Variants in RASAL2 observed in about 807,000 individuals in gnomAD.
RASAL2 encodes the protein RAS protein activator like 2.
Under a neutral mutation model 128.9 loss-of-function variants are expected in RASAL2, and 58 were observed. The ratio of observed to expected loss-of-function variants is 0.45; its 90% CI spans 0.36 to 0.56. The LOEUF is 0.56. Ranked by LOEUF, RASAL2 falls within the 20% of genes least tolerant of loss-of-function variation. The probability of loss-of-function intolerance (pLI) is 0.00; values close to 1 mark genes in which losing one functional copy is unlikely to be tolerated. For missense variants in RASAL2, 1,360 were observed against 1,601.6 expected (o/e 0.85, Z 2.57); for synonymous variants, 561 against 580.8 (o/e 0.97, Z 0.49).
At chr1:178,241,438 A>G (rs188686598) in intron 1 of RASAL2, among the ~76,000 whole-genome samples, 1 of 152,142 alleles carries the variant, frequency 6.6e-6, no homozygotes, top group African/African-American at 2.4e-5. Context: ...GAGGAGAAAT[A>G]CTTTAGGGGT....
chr1:178,136,905 G>T (rs1571528793), intron 1 of RASAL2, among the ~76,000 whole-genome samples: 1 of 151,444 alleles, frequency 6.6e-6, no homozygotes, highest in Non-Finnish European at 1.5e-5. Flanking sequence ...AGCTTTAGAA[G>T]AAGAAAAGCT....
chr1:178,333,418 A>G (rs1669436858), intron 3 of RASAL2, among the ~76,000 whole-genome samples: 1 of 152,170 alleles, frequency 6.6e-6, no homozygotes, highest in Non-Finnish European at 1.5e-5. Flanking sequence ...GCTATTTTTC[A>G]CCTATTTTTG....
chr1:178,157,564 A>G (rs1189514907), intron 1 of RASAL2, among the ~76,000 whole-genome samples: 1 of 152,162 alleles, frequency 6.6e-6, no homozygotes, highest in Admixed American at 6.5e-5. Context: ...TATGAGGGTT[A>G]TCTGCTGCTC....
intron 1 of RASAL2, among the ~76,000 whole-genome samples, chr1:178,234,952 A>G (rs1339502641): frequency 6.6e-6 from 1 of 152,226 alleles, no homozygotes; most frequent in African/African-American, 2.4e-5. Flanking sequence ...AGTATTTTCT[A>G]TAAACCCTGT....
In RASAL2 at chr1:178,094,682, G is replaced by A. The variant is rs750926173; in HGVS notation, c.190G>A (p.Val64Ile). The part of the protein sequence containing the change: ...LESVCQQQSW[V>I]RVYDVKGPPT... ...GTCCGTGTGCCAGCAACAGAGCTGGGTCCGGGTGTACGGTAAGGACCACAG... is the reference window on the plus strand; with the variant it reads ...GTCCGTGTGCCAGCAACAGAGCTGGATCCGGGTGTACGGTAAGGACCACAG... Residue 64 changes from valine (V) to isoleucine (I), a missense_variant, in exon 1 of 18, where the codon GTC becomes ATC. Coordinates refer to ENST00000367649, the MANE Select transcript of RASAL2 (RefSeq NM_170692.4). 1.9e-6 allele frequency: 3 copies of A among 1,614,118 alleles called. No homozygotes were observed. In the Admixed American group the frequency reaches 5.0e-5, roughly 27 times the overall value.
chr1:178,335,046 T>C (rs1669520239), intron 3 of RASAL2, among the ~76,000 whole-genome samples: 2 of 152,170 alleles, frequency 1.3e-5, no homozygotes, highest in African/African-American at 2.4e-5. Context: ...GATTGTCCTT[T>C]TGGAGCCTGA....
rs191169373 is a variant in RASAL2, at chr1:178,205,630, G to A, written c.203-77934G>A. Among the ~76,000 whole-genome samples, 605 of 151,942 alleles carry A rather than the reference G, an allele frequency of 4.0e-3. 3 individuals carry two copies. Among genetic ancestry groups the A allele is most frequent in the African/African-American group, 0.013 (559 of 41,460 alleles). ...AAATTAGCCAGGTGTGGTGGCGGGC[G>A]CCTATACTCCCAGCTACTTGGGAGG... On this transcript the variant is annotated intron_variant, in intron 1 of 17. Transcript: ENST00000367649.
rs1205632604 is a variant in RASAL2, at chr1:178,477,088, C to T, written c.*3849C>T. 1 of 152,730 alleles carries T rather than the reference C, an allele frequency of 6.5e-6. No homozygotes were observed. The highest frequency in any genetic ancestry group is 1.5e-5 in the Non-Finnish European group (1 of 68,202). The allele number at this position is 152,730 out of a possible 1,614,324, so 9.5% of individuals were successfully genotyped here. On this transcript the variant is annotated 3_prime_UTR_variant, in exon 18 of 18. Transcript: ENST00000367649. The stretch of plus-strand genomic sequence containing the variant: ...TTGTCACAGGGCCAAACCCAACAGC[C>T]ACATGCCATAGCTTCACTGCATTTT...
chr1:178,195,050 T>G, intron 1 of RASAL2, among the ~76,000 whole-genome samples: 1 of 152,208 alleles, frequency 6.6e-6, no homozygotes. Flanking sequence ...AAAACCAAAT[T>G]CAATTCCTGC....
At chr1:178,202,974 C>G (rs1158767476) in intron 1 of RASAL2, among the ~76,000 whole-genome samples, 1 of 152,208 alleles carries the variant, frequency 6.6e-6, no homozygotes, top group Non-Finnish European at 1.5e-5. Flanking sequence ...CCCAATTTGC[C>G]AGCAGCAGAG....
intron 1 of RASAL2, among the ~76,000 whole-genome samples, chr1:178,175,684 C>G (rs1349644882): frequency 6.7e-6 from 1 of 148,824 alleles, no homozygotes; most frequent in Non-Finnish European, 1.5e-5. Context: ...TTTTTTGTCT[C>G]TCACCCCACT....
At chr1:178,354,493 C>G (rs1670694503) in intron 3 of RASAL2, among the ~76,000 whole-genome samples, 1 of 152,080 alleles carries the variant, frequency 6.6e-6, no homozygotes, top group African/African-American at 2.4e-5. Context: ...TCAATCAATA[C>G]AGTAATCAAT....
At chr1:178,110,072 CA>C (rs1421084148) in intron 1 of RASAL2, among the ~76,000 whole-genome samples, 14 of 152,240 alleles carry the variant, frequency 9.2e-5, no homozygotes, top group Admixed American at 8.5e-4. Context: ...CAACAAACTA[CA>C]CATCTTTAAA....
chr1:178,392,578 A>G (rs531833079), intron 4 of RASAL2, among the ~76,000 whole-genome samples: 5 of 152,212 alleles, frequency 3.3e-5, no homozygotes, highest in African/African-American at 4.8e-5. Flanking sequence ...AACTGAACAA[A>G]GTGGCATGAA....
intron 3 of RASAL2, among the ~76,000 whole-genome samples, chr1:178,334,937 C>T (rs1336370208): frequency 1.3e-5 from 2 of 151,498 alleles, no homozygotes; most frequent in African/African-American, 4.9e-5. Flanking sequence ...AGTGTGGTGA[C>T]AGAGTGAGAC....
intron 1 of RASAL2, among the ~76,000 whole-genome samples, chr1:178,208,560 T>C (rs1447771410): frequency 6.6e-6 from 1 of 152,198 alleles, no homozygotes; most frequent in Non-Finnish European, 1.5e-5. Context: ...TGTTTATCAA[T>C]AGAATACATG....
chr1:178,475,452 C>G lies in RASAL2; in HGVS notation c.*2213C>G, dbSNP rs1206304511. 6.6e-6 allele frequency: 1 copy of G among 152,216 alleles called. No individual in the cohort carries two copies. The highest frequency in any genetic ancestry group is 1.9e-4 in the East Asian group (1 of 5,202). 9.4% of individuals were successfully genotyped at this position (152,216 alleles called of 1,614,324 possible). A position where few individuals can be genotyped will look rare whatever the true frequency, so the allele number is the denominator to read the frequency against. On this transcript the variant is annotated 3_prime_UTR_variant, in exon 18 of 18. Transcript: ENST00000367649. ...AGATTTGTTCTTGTTTCTGGCTATT[C>G]TCAGCTCAAGCCATGTTTAATTCAT...
At chr1:178,392,934 C>T (rs1339947925) in intron 4 of RASAL2, among the ~76,000 whole-genome samples, 1 of 152,146 alleles carries the variant, frequency 6.6e-6, no homozygotes, top group Non-Finnish European at 1.5e-5. Context: ...CTTTTAAAAA[C>T]TTAAAATAGG....
At chr1:178,095,261 T>G (rs1658631869) in intron 1 of RASAL2, among the ~76,000 whole-genome samples, 1 of 152,216 alleles carries the variant, frequency 6.6e-6, no homozygotes, top group African/African-American at 2.4e-5. Flanking sequence ...TGAATCTCGT[T>G]GTAAAGTGAC....
Sources: allele counts gnomAD v4.1 joint callset (sites outside exome capture counted in the v4.1 genomes callset), GRCh38; gene constraint gnomAD v4.1.1; transcripts MANE v1.5; gene names NCBI Gene and HGNC (gene_info 2026-07-23, HGNC 2026-07-21).